The following SLIT1 variants were observed in gnomAD, a reference collection of about 807,000 sequenced individuals.
SLIT1 encodes slit homolog 1 protein.
Under a neutral mutation model 186.1 loss-of-function variants are expected in SLIT1, and 66 were observed. That is an observed-to-expected ratio of 0.35 (90% CI 0.29 to 0.44). The LOEUF is 0.44. Among genes scored for constraint, SLIT1 ranks in the 20% least tolerant of loss-of-function variants. SLIT1 has a pLI of 1.00. For synonymous variants in SLIT1, 761 were observed against 833.8 expected, an observed-to-expected ratio of 0.91 and a Z score of 1.50; for missense variants, 1,638 against 2,037.4, an observed-to-expected ratio of 0.80 and a Z score of 3.77.
intron 4 of SLIT1, among the ~76,000 whole-genome samples, chr10:97,144,727 A>G (rs993532790): frequency 2.0e-5 from 3 of 152,210 alleles, no homozygotes; most frequent in Admixed American, 6.5e-5. Context: ...CCCCCCAGCC[A>G]AAACCAACTT....
chr10:97,146,329 G>C (rs1849816596), intron 4 of SLIT1, among the ~76,000 whole-genome samples: 1 of 152,102 alleles, frequency 6.6e-6, no homozygotes. Context: ...GGTGAGTCCT[G>C]GCCCATCCTA....
At chr10:97,052,390 G>T (rs2134630492) in intron 13 of SLIT1, among the ~76,000 whole-genome samples, 1 of 152,302 alleles carries the variant, frequency 6.6e-6, no homozygotes, top group East Asian at 1.9e-4. Flanking sequence ...GTGAGCCACT[G>T]CACCTGGCCT....
chr10:97,058,935 T>A (rs956529605), intron 11 of SLIT1, among the ~76,000 whole-genome samples: 10 of 152,120 alleles, frequency 6.6e-5, no homozygotes. Context: ...CCCCAGTAGA[T>A]CCTGAAGGAA....
At chr10:97,024,775 G>A (rs896267803) in intron 25 of SLIT1, among the ~76,000 whole-genome samples, 4 of 152,182 alleles carry the variant, frequency 2.6e-5, no homozygotes, top group Non-Finnish European at 5.9e-5. Context: ...AGTGTGGCCT[G>A]GCAATGAGCC....
rs545583849 is a variant in SLIT1 at position 97,041,955 on chromosome 10, A to G, written c.2164+946T>C. On this transcript the variant is annotated intron_variant, in intron 20 of 36. Coordinates refer to ENST00000266058, the MANE Select transcript of SLIT1 (RefSeq NM_003061.3). The stretch of plus-strand genomic sequence containing the variant: ...AAAATATATAGTTAGGTTTTAAACA[A>G]ATCAGACATTTTTAAAAAGACTTGC... Among the ~76,000 whole-genome samples the G allele has an allele frequency of 2.5e-4, 38 of 152,268 alleles. 1 individual carries two copies. In the East Asian group the frequency reaches 7.3e-3, roughly 29 times the overall value.
intron 1 of SLIT1, among the ~76,000 whole-genome samples, chr10:97,167,594 AGTT>A (rs1850136970): frequency 6.6e-6 from 1 of 152,258 alleles, no homozygotes. Flanking sequence ...TGACAACAAA[AGTT>A]GTGCATAACA....
intron 34 of SLIT1, 152 bp from the exon 35 acceptor site, chr10:97,003,144 C>T: frequency 1.4e-6 from 1 of 702,322 alleles, no homozygotes; most frequent in Non-Finnish European, 2.3e-6. Flanking sequence ...CCTTTGCCAC[C>T]TTGGAGGGCC....
rs1850406015 is a variant in SLIT1, at chr10:97,185,752, G to A, written c.-78C>T. On this transcript the variant is annotated 5_prime_UTR_variant, in exon 1 of 37. Transcript: ENST00000266058. Reference sequence around the variant, plus strand: ...TCCCCGTCCGGGGCCGCCTCCAGGTGCAGTCCCGGGGCAGAGCCACCGAAG... The same window carrying A: ...TCCCCGTCCGGGGCCGCCTCCAGGTACAGTCCCGGGGCAGAGCCACCGAAG... 2 of 1,282,912 alleles carry A rather than the reference G, an allele frequency of 1.6e-6. No homozygotes were observed. The highest frequency in any genetic ancestry group is 1.6e-5 in the South Asian group (1 of 61,990). The allele number at this position is 1,282,912 out of a possible 1,614,324, so 79.5% of individuals were successfully genotyped here.
chr10:97,140,603 C>T (rs554660303), intron 4 of SLIT1, among the ~76,000 whole-genome samples: 55 of 152,230 alleles, frequency 3.6e-4, no homozygotes, highest in African/African-American at 1.2e-3. Context: ...CGCGATCGGC[C>T]GACAGAAGGG....
chr10:97,028,005 T>G, intron 25 of SLIT1, among the ~76,000 whole-genome samples: 1 of 152,194 alleles, frequency 6.6e-6, no homozygotes, highest in East Asian at 1.9e-4. Context: ...TGCCCAGGTG[T>G]ATGCAACAAA....
At chr10:97,008,813 C>A (rs968977500) in intron 31 of SLIT1, among the ~76,000 whole-genome samples, 4 of 151,790 alleles carry the variant, frequency 2.6e-5, no homozygotes, top group Admixed American at 1.3e-4. Context: ...AAAATTCATA[C>A]AGAAATTCAA....
chr10:97,100,035 C>A, intron 4 of SLIT1, among the ~76,000 whole-genome samples: 1 of 152,112 alleles, frequency 6.6e-6, no homozygotes, highest in African/African-American at 2.4e-5. Context: ...CCCTAGAAGA[C>A]ATAATATTTG....
chr10:97,063,677 G>A (rs1238589761), intron 7 of SLIT1, 59 bp from the exon 8 acceptor site: 4 of 1,506,612 alleles, frequency 2.7e-6, no homozygotes, highest in East Asian at 4.7e-5. Flanking sequence ...GCCTGATTGT[G>A]GGAACCCCAA....
rs1404598622 is a variant in SLIT1 at position 97,163,536 on chromosome 10, A to G, written c.270-85T>C. ...GCTGGCACAACGGCGGGGCAGAGGCAACCTCTGCCAGGGCAGCATTAGCAA... is the reference window on the plus strand; with the variant it reads ...GCTGGCACAACGGCGGGGCAGAGGCGACCTCTGCCAGGGCAGCATTAGCAA... On this transcript the variant is annotated intron_variant, in intron 2 of 36. Coordinates refer to ENST00000266058, the MANE Select transcript of SLIT1 (RefSeq NM_003061.3). 5.4e-6 allele frequency: 6 copies of G among 1,113,034 alleles called. No homozygotes were observed. The East Asian group carries it at 1.4e-4, about 26-fold the overall frequency. The allele number at this position is 1,113,034 out of a possible 1,614,324, so 68.9% of individuals were successfully genotyped here.
At chr10:97,070,063 G>A (rs1848987574) in intron 4 of SLIT1, among the ~76,000 whole-genome samples, 1 of 152,202 alleles carries the variant, frequency 6.6e-6, no homozygotes, top group African/African-American at 2.4e-5. Context: ...CCAACAGCAG[G>A]CACAGGCTTG....
chr10:97,096,625 C>T (rs1849293303), intron 4 of SLIT1, among the ~76,000 whole-genome samples: 1 of 152,202 alleles, frequency 6.6e-6, no homozygotes, highest in African/African-American at 2.4e-5. Flanking sequence ...TCACTCCCAC[C>T]TCTTGCAGGG....
In SLIT1 at chr10:97,116,200, G is replaced by C. The variant is rs115868386; in HGVS notation, c.413+41618C>G. On this transcript the variant is annotated intron_variant, in intron 4 of 36. Transcript: ENST00000266058. Reference sequence around the variant, plus strand: ...CAGGTACTGAATAAGTCTTCATTATGATGAGGAAGGAGGAAGAGGAGGAGG... The same window carrying C: ...CAGGTACTGAATAAGTCTTCATTATCATGAGGAAGGAGGAAGAGGAGGAGG... 1.1e-4 allele frequency among the ~76,000 whole-genome samples: 16 copies of C among 152,214 alleles called. 1 individual carries two copies. Among genetic ancestry groups the C allele is most frequent in the African/African-American group, 2.7e-4 (11 of 41,460 alleles).
intron 32 of SLIT1, among the ~76,000 whole-genome samples, chr10:97,005,859 G>C (rs1321717649): frequency 6.6e-6 from 1 of 152,172 alleles, no homozygotes; most frequent in Non-Finnish European, 1.5e-5. Flanking sequence ...ATTTGTGACA[G>C]GGAATGGAAT....
Position 97,043,118 on chromosome 10 carries a change from G to A in SLIT1, c.1998-51C>T, listed in dbSNP as rs1467681782. 1 of 1,583,594 alleles carries A rather than the reference G, an allele frequency of 6.3e-7. No individual in the cohort carries two copies. The highest frequency in any genetic ancestry group is 2.2e-5 in the East Asian group (1 of 44,646). ...TGGAGACACTCTGCCCCTCTCAGAG[G>A]TCCCAGCAAACCCCTCCTGTACCAC... On this transcript the variant is annotated intron_variant, in intron 19 of 36. Transcript: ENST00000266058. This position sits in a 1 kb window ranked among gnomAD's most constrained non-coding sequence, Gnocchi z 7.0.
Sources: allele counts gnomAD v4.1 joint callset (sites outside exome capture counted in the v4.1 genomes callset), GRCh38; gene constraint gnomAD v4.1.1; non-coding constraint Gnocchi (gnomAD v3.1); transcripts MANE v1.5; gene names NCBI Gene and HGNC (gene_info 2026-07-23, HGNC 2026-07-21).